The following SPEN variants were observed in gnomAD, a reference collection of about 807,000 sequenced individuals.
SPEN encodes the protein spen family transcriptional repressor, also known as msx2-interacting protein.
A neutral mutation model predicts 269.9 loss-of-function variants in SPEN; 18 were observed. The observed-to-expected ratio is 0.07, with a 90% CI of 0.05 to 0.10. The LOEUF (loss-of-function observed/expected upper bound fraction) is 0.10, where lower values mean the gene tolerates loss of function less well. SPEN is among the 10% of genes least tolerant of loss of function. SPEN has a pLI of 1.00. For missense variants in SPEN, 3,822 were observed against 4,631.2 expected (o/e 0.83, Z 5.07); for synonymous variants, 1,726 against 1,765.7 (o/e 0.98, Z 0.56).
Position 15,934,943 on chromosome 1 carries a change from T to G in SPEN, c.8703T>G (p.Ser2901=). Residue 2901 remains serine (S), a synonymous_variant, in exon 11 of 15, where the codon TCT becomes TCG. Coordinates refer to ENST00000375759, the MANE Select transcript of SPEN (RefSeq NM_015001.3). The surrounding 1 kb of genome is among the most constrained non-coding windows in gnomAD (Gnocchi z 9.2). ...ATAATGCCTCTCCTGTGATTTCGTC[T>G]GTGAAGGCCGATAGGCCATCCTTGG... ...QTYNASPVIS[S]VKADRPSLEK... is the part of the protein sequence containing the mutation. 6.2e-7 allele frequency: 1 copy of G among 1,613,974 alleles called. No individual in the cohort carries two copies. Among genetic ancestry groups the G allele is most frequent in the East Asian group, 2.2e-5 (1 of 44,846 alleles).
chr1:15,866,802 C>A (rs1011051969), intron 1 of SPEN, among the ~76,000 whole-genome samples: 2 of 152,068 alleles, frequency 1.3e-5, no homozygotes, highest in African/African-American at 4.8e-5. Context: ...TATAACGTTC[C>A]TAGTTAGGCG....
At position 15,899,472 on chromosome 1, in the gene SPEN, G is replaced by A. The variant is rs146465635; in HGVS notation, c.882-9849G>A. Among the ~76,000 whole-genome samples the A allele has an allele frequency of 3.6e-3, 543 of 151,418 alleles. 9 individuals are homozygous for A. The highest frequency in any genetic ancestry group is 0.013 in the African/African-American group (519 of 41,286). Reference sequence around the variant, plus strand: ...TAGGATTACAGGCGTGAGCCACTGCGCTCGGCAGTTTGTTTTTAATAATAG... The same window carrying A: ...TAGGATTACAGGCGTGAGCCACTGCACTCGGCAGTTTGTTTTTAATAATAG... On this transcript the variant is annotated intron_variant, in intron 3 of 14. Transcript: ENST00000375759.
intron 3 of SPEN, among the ~76,000 whole-genome samples, chr1:15,886,447 CAG>C (rs1239001451): frequency 3.3e-5 from 5 of 152,274 alleles, no homozygotes; most frequent in South Asian, 2.1e-4. Flanking sequence ...CTTGTTTTGC[CAG>C]AGTTTCTCCA....
rs1313628707 is a variant in SPEN at position 15,932,035 on chromosome 1, A to G, written c.5795A>G (p.Lys1932Arg). 2.5e-6 allele frequency: 4 copies of G among 1,614,234 alleles called. No homozygotes were observed. Among genetic ancestry groups the G allele is most frequent in the Non-Finnish European group, 3.4e-6 (4 of 1,180,046 alleles). Residue 1932 changes from lysine (K) to arginine (R), a missense_variant, in exon 11 of 15, where the codon AAG becomes AGG. Coordinates refer to ENST00000375759, the MANE Select transcript of SPEN (RefSeq NM_015001.3). The surrounding 1 kb of genome is among the most constrained non-coding windows in gnomAD (Gnocchi z 4.2). ...GTTGAGCAACCAAGAGTGACCAGAA[A>G]GAGATTGGAGCGAGAGCTTCAGGAG... ...EPVEQPRVTR[K>R]RLERELQEAA...
In SPEN at chr1:15,937,618, AC is replaced by A; in HGVS notation, c.10485del (p.Val3496TrpfsTer7). On this transcript the variant is annotated frameshift_variant, in exon 12 of 15. Coordinates refer to ENST00000375759, the MANE Select transcript of SPEN (RefSeq NM_015001.3). LOFTEE classifies it high-confidence loss of function. This position sits in a 1 kb window ranked among gnomAD's most constrained non-coding sequence, Gnocchi z 5.7. The part of the protein sequence containing the change: ...DSSPHLTSQR[P>X]VDMVQLLKKY... ...CCTCTCCACACCTGACTTCCCAGAG[AC>A]CCGTGGATATGGTTCAACTTCTGAA... 1 of 1,613,502 alleles carries A rather than the reference AC, an allele frequency of 6.2e-7. No individual in the cohort carries two copies. Among genetic ancestry groups the A allele is most frequent in the Non-Finnish European group, 8.5e-7 (1 of 1,179,542 alleles).
chr1:15,884,056 C>T lies in SPEN; in HGVS notation c.881+7378C>T, dbSNP rs374368060. On this transcript the variant is annotated intron_variant, in intron 3 of 14. Transcript: ENST00000375759. ...CGATCTCCTGACCTTGTGATCTGCC[C>T]GCTTTGGCCTCCCAAAGTGCTGGGA... is the stretch of plus-strand genomic sequence containing the variant. 3.0e-3 allele frequency among the ~76,000 whole-genome samples: 452 copies of T among 152,198 alleles called. 2 individuals are homozygous for T. The highest frequency in any genetic ancestry group is 0.011 in the African/African-American group (440 of 41,532).
intron 3 of SPEN, among the ~76,000 whole-genome samples, chr1:15,883,553 T>G (rs868289665): frequency 3.9e-5 from 6 of 151,962 alleles, no homozygotes; most frequent in African/African-American, 1.4e-4. Context: ...CCTGAGTAGC[T>G]GGGACTATAG....
intron 6 of SPEN, among the ~76,000 whole-genome samples, chr1:15,916,881 C>T (rs1020903327): frequency 6.6e-6 from 1 of 152,150 alleles, no homozygotes; most frequent in African/African-American, 2.4e-5. Flanking sequence ...AATCTCAGCA[C>T]TTTGGGAGGG....
At chr1:15,851,082 A>C (rs2070331108) in intron 1 of SPEN, among the ~76,000 whole-genome samples, 1 of 151,988 alleles carries the variant, frequency 6.6e-6, no homozygotes, top group East Asian at 1.9e-4. Flanking sequence ...ACATTTTAAC[A>C]GAAAAAAGAG....
intron 3 of SPEN, among the ~76,000 whole-genome samples, chr1:15,881,293 G>A (rs1254248444): frequency 6.6e-6 from 1 of 152,160 alleles, no homozygotes; most frequent in Admixed American, 6.6e-5. Context: ...TGTATGCAGA[G>A]AGGGCCATTA....
intron 6 of SPEN, among the ~76,000 whole-genome samples, chr1:15,916,627 C>T (rs371320669): frequency 2.0e-4 from 30 of 151,294 alleles, no homozygotes; most frequent in South Asian, 8.3e-4. Context: ...CCTCCCATCT[C>T]TCAGTCTCCT....
chr1:15,932,540 C>T lies in SPEN; in HGVS notation c.6300C>T (p.Val2100=). 6.3e-7 allele frequency: 1 copy of T among 1,598,892 alleles called. No individual in the cohort carries two copies. Among genetic ancestry groups the T allele is most frequent in the Non-Finnish European group, 8.5e-7 (1 of 1,170,778 alleles). Reference sequence around the variant, plus strand: ...GTCTGAAAAATGTGGATGCTGCTGTCAGTCCCAGGGGGGCTGCAGCACAGG... The same window carrying T: ...GTCTGAAAAATGTGGATGCTGCTGTTAGTCCCAGGGGGGCTGCAGCACAGG... ...SASLKNVDAA[V]SPRGAAAQAG... is the part of the protein sequence containing the mutation. The change falls in exon 11 of 15, where the codon GTC becomes GTT. Residue 2100 remains valine (V), a synonymous_variant. Coordinates refer to ENST00000375759, the MANE Select transcript of SPEN (RefSeq NM_015001.3). The surrounding 1 kb of genome is among the most constrained non-coding windows in gnomAD (Gnocchi z 4.2).
intron 9 of SPEN, among the ~76,000 whole-genome samples, chr1:15,921,573 C>T (rs991299400): frequency 6.6e-6 from 1 of 152,170 alleles, no homozygotes; most frequent in Admixed American, 6.5e-5. Flanking sequence ...ACACTCTCAT[C>T]GCAGGCTTGA....
intron 8 of SPEN, among the ~76,000 whole-genome samples, chr1:15,919,729 A>G (rs1243883236): frequency 2.0e-5 from 3 of 152,256 alleles, no homozygotes; most frequent in African/African-American, 7.2e-5. Context: ...AGCCAAGGTG[A>G]TTAATTTTGA....
intron 3 of SPEN, among the ~76,000 whole-genome samples, chr1:15,904,343 G>A (rs567100011): frequency 4.0e-5 from 6 of 150,378 alleles, no homozygotes; most frequent in Admixed American, 2.0e-4. Flanking sequence ...TGGGCCTGGC[G>A]GCCAACAAAC....
At chr1:15,924,671 G>A (rs1018290601) in intron 10 of SPEN, among the ~76,000 whole-genome samples, 12 of 152,130 alleles carry the variant, frequency 7.9e-5, no homozygotes, top group Admixed American at 7.9e-4. Flanking sequence ...TGTTGGTCAG[G>A]CTGGTCTCAA....
In SPEN at chr1:15,933,654, C is replaced by A; in HGVS notation, c.7414C>A (p.Leu2472Met). Residue 2472 changes from leucine (L) to methionine (M), a missense_variant, in exon 11 of 15, where the codon CTG (leucine) becomes ATG (methionine). This residue lies in a region of SPEN where 727 missense variants were observed against 737.9 expected (regional missense o/e 0.99). Transcript: ENST00000375759. This position sits in a 1 kb window ranked among gnomAD's most constrained non-coding sequence, Gnocchi z 5.7. ...PSDPSIPIPT[L>M]PSVTAAKLSP... ...CGATCCAAGCATCCCCATACCCACA[C>A]TGCCTTCTGTAACTGCAGCAAAGCT... 6.2e-7 allele frequency: 1 copy of A among 1,614,172 alleles called. No individual in the cohort carries two copies.
At chr1:15,879,191 A>G (rs2070663403) in intron 3 of SPEN, among the ~76,000 whole-genome samples, 1 of 151,782 alleles carries the variant, frequency 6.6e-6, no homozygotes, top group Non-Finnish European at 1.5e-5. Flanking sequence ...AAATACAAAA[A>G]TTATCTGGAG....
At position 15,916,201 on chromosome 1, in the gene SPEN, T is replaced by C; in HGVS notation, c.1317T>C (p.Thr439=). 6.2e-7 allele frequency: 1 copy of C among 1,613,974 alleles called. No individual in the cohort carries two copies. Among genetic ancestry groups the C allele is most frequent in the Non-Finnish European group, 8.5e-7 (1 of 1,179,968 alleles). The part of the protein sequence containing the change: ...IDEFHPKATR[T]LFIGNLEKTT... ...AATTTCACCCCAAAGCAACAAGAAC[T>C]CTCTTTATTGGCAACCTTGAAAAAA... is the stretch of plus-strand genomic sequence containing the variant. Residue 439 remains threonine, a synonymous_variant, in exon 6 of 15, where the codon ACT becomes ACC. Transcript: ENST00000375759.
Sources: allele counts gnomAD v4.1 joint callset (sites outside exome capture counted in the v4.1 genomes callset), GRCh38; gene constraint gnomAD v4.1.1; regional missense constraint gnomAD v4.1.1; non-coding constraint Gnocchi (gnomAD v3.1); transcripts MANE v1.5; gene names NCBI Gene and HGNC (gene_info 2026-07-23, HGNC 2026-07-21).